Variants in LPAR6 observed in about 807,000 individuals in gnomAD.
LPAR6 encodes the protein lysophosphatidic acid receptor 6, also known as G-protein coupled purinergic receptor P2Y5.
Under a neutral mutation model 22.0 loss-of-function variants are expected in LPAR6, and 17 were observed. The ratio of observed to expected loss-of-function variants is 0.77; its 90% CI spans 0.53 to 1.16. LPAR6 has a LOEUF of 1.16. LPAR6 is among the 50% of genes most tolerant of loss of function. LPAR6 has a pLI of 0.00. For missense variants in LPAR6, 384 were observed against 406.9 expected, an observed-to-expected ratio of 0.94 and a Z score of 0.48; for synonymous variants, 136 against 139.8, an observed-to-expected ratio of 0.97 and a Z score of 0.19.
intron 1 of LPAR6, among the ~76,000 whole-genome samples, chr13:48,442,033 A>G (rs896012025): frequency 2.6e-5 from 4 of 152,050 alleles, no homozygotes; most frequent in Admixed American, 2.6e-4. Flanking sequence ...GTGTTTTTCT[A>G]TTCAGTCGTA....
intron 2 of LPAR6, among the ~76,000 whole-genome samples, chr13:48,420,616 A>G (rs955406719): frequency 1.3e-5 from 2 of 152,184 alleles, no homozygotes; most frequent in African/African-American, 4.8e-5. Context: ...TGCAGAGACA[A>G]TGATTGTCTA....
At chr13:48,402,036 T>C (rs949384186) in intron 1 of LPAR6, among the ~76,000 whole-genome samples, 2 of 152,178 alleles carry the variant, frequency 1.3e-5, no homozygotes. Flanking sequence ...TATTAGGTTT[T>C]ATCATTTAGT....
Position 48,412,008 on chromosome 13 carries a change from C to G in LPAR6, c.416G>C (p.Gly139Ala). 6.2e-7 allele frequency: 1 copy of G among 1,611,546 alleles called. No individual in the cohort carries two copies. The highest frequency in any genetic ancestry group is 8.5e-7 in the Non-Finnish European group (1 of 1,178,724). ...TCCTCCGATCACAGTTAACCACACGCCAGTGCAAACAATCTTTGCATTTCT... is the reference window on the plus strand; with the variant it reads ...TCCTCCGATCACAGTTAACCACACGGCAGTGCAAACAATCTTTGCATTTCT... ...TKRNAKIVCT[G>A]VWLTVIGGSA... The change falls in exon 1 of 1, where the codon GGC becomes GCC. Residue 139 changes from glycine to alanine, a missense_variant. Physicochemically the swap from Gly to Ala is moderately conservative, Grantham distance 60 (BLOSUM62 0). Transcript: ENST00000620633.
At chr13:48,403,702 C>G (rs1049517584) in intron 1 of LPAR6, among the ~76,000 whole-genome samples, 26 of 152,246 alleles carry the variant, frequency 1.7e-4, no homozygotes, top group Non-Finnish European at 1.5e-4. Context: ...GGCCCAGTCA[C>G]AAAGTTTCCA....
At chr13:48,393,094 T>G (rs2854363) in intron 1 of LPAR6, among the ~76,000 whole-genome samples, 136,134 of 152,076 alleles carry the variant, frequency 0.9, 62,265 homozygotes, top group East Asian at 1. Context: ...TCTGGCTAGT[T>G]GAAAGCAGAA....
upstream of LPAR6, chr13:48,417,249 G>C (rs1021355053): frequency 8.5e-5 from 13 of 153,406 alleles, no homozygotes; most frequent in Admixed American, 2.6e-4. Flanking sequence ...AATCTTTGTT[G>C]TTCTGCAACC....
intron 1 of LPAR6, among the ~76,000 whole-genome samples, chr13:48,439,240 C>T (rs746269373): frequency 3.3e-5 from 5 of 151,922 alleles, no homozygotes; most frequent in Non-Finnish European, 5.9e-5. Context: ...ACTTTATGGA[C>T]GTATTTTGAA....
intron 2 of LPAR6, among the ~76,000 whole-genome samples, chr13:48,418,272 A>G (rs574052055): frequency 6.6e-6 from 1 of 152,166 alleles, no homozygotes; most frequent in South Asian, 2.1e-4. Context: ...TTTTGTATCC[A>G]GCCAAACTAA....
At chr13:48,430,653 T>G (rs185357129), upstream of LPAR6, among the ~76,000 whole-genome samples, 499 of 152,188 alleles carry the variant, frequency 3.3e-3, 1 homozygote, top group Non-Finnish European at 5.2e-3. Context: ...GGCAGGAGAA[T>G]GGCTTGAACC....
chr13:48,411,477 A>G lies in LPAR6; in HGVS notation c.947T>C (p.Phe316Ser). 2 of 1,609,624 alleles carry G rather than the reference A, an allele frequency of 1.2e-6. No homozygotes were observed. Among genetic ancestry groups the G allele is most frequent in the South Asian group, 2.2e-5 (2 of 90,938 alleles). ...NWSVRRSDFR[F>S]SEVHGAENFI... ...ATTCTCTGCACCATGAACTTCAGAG[A>G]ATCTGAAGTCACTTCTCCTGACAGA... Residue 316 changes from phenylalanine to serine, a missense_variant, in exon 1 of 1, where the codon TTC (phenylalanine) becomes TCC (serine). Physicochemically the swap from Phe to Ser is radical, Grantham distance 155 (BLOSUM62 -2). Coordinates refer to ENST00000620633, the MANE Select transcript of LPAR6 (RefSeq NM_001162498.3).
chr13:48,412,594 A>C lies in LPAR6; in HGVS notation c.-171T>G. 1 of 634,512 alleles carries C rather than the reference A, an allele frequency of 1.6e-6. No homozygotes were observed. Among genetic ancestry groups the C allele is most frequent in the Non-Finnish European group, 2.9e-6 (1 of 349,548 alleles). The allele number at this position is 634,512 out of a possible 1,614,324, so 39.3% of individuals were successfully genotyped here. ...CAGAAATACCCAAAAGAAACATGAA[A>C]TTTGTTGCTGTAAAATTTCCGCTGG... On this transcript the variant is annotated 5_prime_UTR_variant, in exon 1 of 1. Transcript: ENST00000620633.
downstream of LPAR6, among the ~76,000 whole-genome samples, chr13:48,410,542 G>T (rs1948784619): frequency 6.6e-6 from 1 of 152,040 alleles, no homozygotes; most frequent in Non-Finnish European, 1.5e-5. Context: ...ATGTTTCTCC[G>T]ACCTAACATA....
chr13:48,393,062 A>G (rs1056988623), intron 1 of LPAR6, among the ~76,000 whole-genome samples: 1 of 152,148 alleles, frequency 6.6e-6, no homozygotes, highest in Non-Finnish European at 1.5e-5. Context: ...TGAATATCCC[A>G]TATATGACAA....
intron 1 of LPAR6, among the ~76,000 whole-genome samples, chr13:48,402,789 G>C (rs1053865569): frequency 2.6e-5 from 4 of 152,032 alleles, no homozygotes; most frequent in African/African-American, 9.6e-5. Flanking sequence ...TTCAGTCTTT[G>C]TCATCTCAGG....
At chr13:48,413,650 CATT>C (rs1948857322), upstream of LPAR6, among the ~76,000 whole-genome samples, 1 of 152,128 alleles carries the variant, frequency 6.6e-6, no homozygotes, top group African/African-American at 2.4e-5. Context: ...TCCTGGGTCT[CATT>C]AGTTTTTGAT....
intron 1 of LPAR6, among the ~76,000 whole-genome samples, chr13:48,424,498 A>G (rs138610829): frequency 1.6e-4 from 24 of 152,336 alleles, no homozygotes; most frequent in East Asian, 9.6e-4. Context: ...TCAAACAAGT[A>G]GGGAAAGGAA....
intron 1 of LPAR6, among the ~76,000 whole-genome samples, chr13:48,392,080 A>G (rs1159218794): frequency 6.6e-6 from 1 of 151,942 alleles, no homozygotes; most frequent in Non-Finnish European, 1.5e-5. Flanking sequence ...CTTTAAAAAT[A>G]TTGCTCCACT....
At chr13:48,430,031 C>T (rs1331950659), upstream of LPAR6, among the ~76,000 whole-genome samples, 2 of 152,108 alleles carry the variant, frequency 1.3e-5, no homozygotes, top group Admixed American at 6.6e-5. Context: ...GTTTGTTCAC[C>T]TGTAGATACT....
intron 1 of LPAR6, among the ~76,000 whole-genome samples, chr13:48,404,968 A>G (rs1948726842): frequency 1.3e-5 from 2 of 152,236 alleles, no homozygotes; most frequent in Non-Finnish European, 2.9e-5. Flanking sequence ...AAATTTGTCA[A>G]ATATGACAGC....
Sources: allele counts gnomAD v4.1 joint callset (sites outside exome capture counted in the v4.1 genomes callset), GRCh38; gene constraint gnomAD v4.1.1; transcripts MANE v1.5; gene names NCBI Gene and HGNC (gene_info 2026-07-23, HGNC 2026-07-21).